Variants in EDAR observed in about 807,000 individuals in gnomAD.
EDAR encodes the protein tumor necrosis factor receptor superfamily member EDAR.
A neutral mutation model predicts 51.3 loss-of-function variants in EDAR; 38 were observed. The ratio of observed to expected loss-of-function variants is 0.74; its 90% CI spans 0.57 to 0.97. EDAR has a LOEUF of 0.97. EDAR is among the 50% of genes least tolerant of loss of function. The probability of loss-of-function intolerance (pLI) is 0.00; values close to 1 mark genes in which losing one functional copy is unlikely to be tolerated. For missense variants in EDAR, 528 were observed against 595.0 expected, an observed-to-expected ratio of 0.89 and a Z score of 1.17; for synonymous variants, 227 against 242.1, an observed-to-expected ratio of 0.94 and a Z score of 0.58.
At chr2:108,956,992 G>A (rs903182672) in intron 1 of EDAR, among the ~76,000 whole-genome samples, 3 of 152,260 alleles carry the variant, frequency 2.0e-5, no homozygotes, top group South Asian at 2.1e-4. Context: ...GTTTCTCCAC[G>A]TTGGTCAGAC....
chr2:108,986,288 A>G (rs1417830285), intron 1 of EDAR, among the ~76,000 whole-genome samples: 1 of 152,190 alleles, frequency 6.6e-6, no homozygotes, highest in Non-Finnish European at 1.5e-5. Flanking sequence ...ACAAAGAACA[A>G]AACTGAGACT....
intron 1 of EDAR, among the ~76,000 whole-genome samples, chr2:108,970,577 G>A (rs1215838846): frequency 6.6e-6 from 1 of 152,068 alleles, no homozygotes; most frequent in Non-Finnish European, 1.5e-5. Flanking sequence ...TTGCAGGCAG[G>A]CCACACAGAG....
chr2:108,915,869 G>A (rs995634533), intron 5 of EDAR, among the ~76,000 whole-genome samples: 6 of 151,890 alleles, frequency 4.0e-5, no homozygotes, highest in African/African-American at 1.5e-4. Flanking sequence ...TGCACTCCAT[G>A]CTGGGCAACA....
chr2:108,977,407 TACA>T (rs1698341837), intron 1 of EDAR, among the ~76,000 whole-genome samples: 1 of 152,192 alleles, frequency 6.6e-6, no homozygotes, highest in Non-Finnish European at 1.5e-5. Context: ...TAGCTGGGAC[TACA>T]GGCACCCGCC....
intron 1 of EDAR, among the ~76,000 whole-genome samples, chr2:108,948,323 T>C (rs1697754029): frequency 6.6e-6 from 1 of 152,232 alleles, no homozygotes. Flanking sequence ...CGTTCCCATG[T>C]CTTCCTGTCT....
intron 1 of EDAR, among the ~76,000 whole-genome samples, chr2:108,959,206 A>G (rs540462056): frequency 1.3e-5 from 2 of 152,364 alleles, no homozygotes; most frequent in South Asian, 4.1e-4. Flanking sequence ...AGGCTTCAGT[A>G]AAGCTGATGG....
At chr2:108,946,770 C>T (rs1216099668) in intron 1 of EDAR, among the ~76,000 whole-genome samples, 1 of 152,156 alleles carries the variant, frequency 6.6e-6, no homozygotes, top group Non-Finnish European at 1.5e-5. Flanking sequence ...GGGGAAAGCG[C>T]CCCATGATCC....
intron 1 of EDAR, among the ~76,000 whole-genome samples, chr2:108,984,705 C>T (rs550203306): frequency 5.9e-5 from 9 of 151,950 alleles, no homozygotes; most frequent in South Asian, 2.1e-4. Flanking sequence ...TTTTTCATGG[C>T]GCTGGATTTA....
intron 1 of EDAR, among the ~76,000 whole-genome samples, chr2:108,943,152 G>A (rs1293712389): frequency 2.0e-5 from 3 of 152,136 alleles, no homozygotes; most frequent in African/African-American, 7.2e-5. Flanking sequence ...TCAGGGTCTT[G>A]TTCTACCGGT....
intron 1 of EDAR, among the ~76,000 whole-genome samples, chr2:108,937,198 T>G (rs1014297775): frequency 3.9e-5 from 6 of 152,192 alleles, no homozygotes; most frequent in Non-Finnish European, 7.4e-5. Flanking sequence ...AAGCAGCCAC[T>G]CTTCTTTATC....
chr2:108,910,491 G>A lies in EDAR; in HGVS notation c.772C>T (p.Leu258=), dbSNP rs1208974619. The A allele has an allele frequency of 6.2e-7, 1 of 1,613,934 alleles. No homozygotes were observed. The highest frequency in any genetic ancestry group is 1.1e-5 in the South Asian group (1 of 91,022). ...MFSEKDEFEK[L]TATPAKPTKS... ...GTGGGCTTTGCTGGAGTTGCTGTCA[G>A]CTTCTCAAATTCATCCTTCTCGGAG... Residue 258 remains leucine, a synonymous_variant, in exon 9 of 12, where the codon CTG becomes TTG. Transcript: ENST00000258443.
intron 1 of EDAR, among the ~76,000 whole-genome samples, chr2:108,939,436 A>C (rs542361927): frequency 5.9e-5 from 9 of 152,290 alleles, no homozygotes; most frequent in Admixed American, 2.0e-4. Flanking sequence ...TCTAGTGCAG[A>C]GTATGCGTAT....
intron 1 of EDAR, among the ~76,000 whole-genome samples, chr2:108,952,843 G>A (rs1697850761): frequency 6.6e-6 from 1 of 152,072 alleles, no homozygotes; most frequent in Non-Finnish European, 1.5e-5. Flanking sequence ...TTTTACTCTG[G>A]GCAAGTGTCA....
chr2:108,984,438 C>G lies in EDAR; in HGVS notation c.-19+4522G>C, dbSNP rs1054332162. 2.6e-5 allele frequency among the ~76,000 whole-genome samples: 4 copies of G among 152,242 alleles called. No homozygotes were observed. In the South Asian group the frequency reaches 8.3e-4, roughly 32 times the overall value. On this transcript the variant is annotated intron_variant, in intron 1 of 11. Transcript: ENST00000258443. ...CAATGAGAGCCCAGCCCCCTTGCCA[C>G]GGCCCGCTCAGGCTCCTGGTTCTCC...
At chr2:108,974,401 C>A (rs1401304520) in intron 1 of EDAR, among the ~76,000 whole-genome samples, 1 of 149,408 alleles carries the variant, frequency 6.7e-6, no homozygotes, top group Non-Finnish European at 1.5e-5. Flanking sequence ...CACGATGGTA[C>A]CCTGTTTATG....
intron 4 of EDAR, among the ~76,000 whole-genome samples, chr2:108,925,726 TCCTG>T (rs1697241263): frequency 6.6e-6 from 1 of 152,062 alleles, no homozygotes; most frequent in South Asian, 2.1e-4. Flanking sequence ...CAAACAATTC[TCCTG>T]CCTCAGCCTC....
chr2:108,969,212 TC>T (rs1698198173), intron 1 of EDAR, among the ~76,000 whole-genome samples: 1 of 151,932 alleles, frequency 6.6e-6, no homozygotes, highest in South Asian at 2.1e-4. Context: ...TTGACAACCT[TC>T]TTTTTTTTTT....
intron 11 of EDAR, among the ~76,000 whole-genome samples, chr2:108,901,765 C>A (rs774261077): frequency 2.1e-4 from 32 of 152,200 alleles, no homozygotes; most frequent in Non-Finnish European, 3.5e-4. Context: ...TAAAATAGAT[C>A]ATTTGAACAG....
chr2:108,976,326 G>T (rs987752502), intron 1 of EDAR, among the ~76,000 whole-genome samples: 1 of 152,194 alleles, frequency 6.6e-6, no homozygotes, highest in African/African-American at 2.4e-5. Context: ...ACAGACTGGG[G>T]CTATGGGTTT....
Sources: allele counts gnomAD v4.1 joint callset (sites outside exome capture counted in the v4.1 genomes callset), GRCh38; gene constraint gnomAD v4.1.1; transcripts MANE v1.5; gene names NCBI Gene and HGNC (gene_info 2026-07-23, HGNC 2026-07-21).